Variants in IFT122 observed in about 807,000 individuals in gnomAD.
IFT122 encodes intraflagellar transport 122, also known as intraflagellar transport protein 122 homolog.
In IFT122, 118 loss-of-function variants were observed where a neutral mutation model predicts 161.6. The ratio of observed to expected loss-of-function variants is 0.73; its 90% CI spans 0.63 to 0.85. The LOEUF (loss-of-function observed/expected upper bound fraction) is 0.85, where lower values mean the gene tolerates loss of function less well. Among genes scored for constraint, IFT122 ranks in the 40% least tolerant of loss-of-function variants. The pLI, the probability that IFT122 is intolerant of heterozygous loss-of-function variation, is 0.00. For synonymous variants in IFT122, 550 were observed against 602.4 expected (o/e 0.91, Z 1.27); for missense variants, 1,381 against 1,579.6 (o/e 0.87, Z 2.13).
At position 129,506,281 on chromosome 3, in the gene IFT122, C is replaced by G. The variant is rs1036254352; in HGVS notation, c.2651-128C>G. 5.8e-6 allele frequency: 6 copies of G among 1,043,200 alleles called. No individual in the cohort carries two copies. In the African/African-American group the frequency reaches 9.4e-5, roughly 16 times the overall value. 64.6% of individuals were successfully genotyped at this position (1,043,200 alleles called of 1,614,324 possible). A position where few individuals can be genotyped will look rare whatever the true frequency, so the allele number is the denominator to read the frequency against. Reference sequence around the variant, plus strand: ...GAAGCGCCATCCCAGCAACGAAGCACTGCAGATGCTCCAATGAGTGTCCTA... The same window carrying G: ...GAAGCGCCATCCCAGCAACGAAGCAGTGCAGATGCTCCAATGAGTGTCCTA... On this transcript the variant is annotated intron_variant, in intron 21 of 29. Transcript: ENST00000348417.
At chr3:129,459,644 C>T in intron 4 of IFT122, among the ~76,000 whole-genome samples, 1 of 129,554 alleles carries the variant, frequency 7.7e-6, no homozygotes, top group South Asian at 2.9e-4. Context: ...TTCCCTCCCT[C>T]CCTCCCTTCT....
At chr3:129,503,645 GTT>G (rs1204020259) in intron 20 of IFT122, among the ~76,000 whole-genome samples, 1 of 152,174 alleles carries the variant, frequency 6.6e-6, no homozygotes. Flanking sequence ...CCGTCTGACT[GTT>G]GTCTGCTCTC....
intron 23 of IFT122, among the ~76,000 whole-genome samples, chr3:129,511,856 G>T (rs1360978253): frequency 6.6e-6 from 1 of 152,222 alleles, no homozygotes; most frequent in Non-Finnish European, 1.5e-5. Context: ...TTGAAAGACA[G>T]GCTTATATGA....
chr3:129,450,723 T>C (rs1297608778), intron 2 of IFT122, among the ~76,000 whole-genome samples: 1 of 123,884 alleles, frequency 8.1e-6, no homozygotes, highest in African/African-American at 3.6e-5. Context: ...GTTTTTTTTT[T>C]TTTTTTTTTT....
chr3:129,492,102 A>G, intron 16 of IFT122, 39 bp from the exon 17 acceptor site: 1 of 1,554,974 alleles, frequency 6.4e-7, no homozygotes, highest in Non-Finnish European at 8.9e-7. Context: ...TTTGAAGCCA[A>G]GAAGACAGCT....
chr3:129,497,877 GA>G (rs2108503465), intron 18 of IFT122, among the ~76,000 whole-genome samples: 1 of 152,276 alleles, frequency 6.6e-6, no homozygotes, highest in Admixed American at 6.5e-5. Flanking sequence ...CTGGTTTTCA[GA>G]AAATTTTAAA....
rs1243629398 is a variant in IFT122, at chr3:129,516,694, G to GCGCGCACACA, written c.3266-774_3266-773insGCGCACACAC. ...CCCTGCACACACACAGATTGCTCCTGCACACACACACACACACACACACAC... is the reference window on the plus strand; with the variant it reads ...CCCTGCACACACACAGATTGCTCCTGCGCGCACACACACACACACACACACACACACACAC... On this transcript the variant is annotated intron_variant, in intron 26 of 29. Transcript: ENST00000348417. 1.4e-4 allele frequency among the ~76,000 whole-genome samples: 7 copies of GCGCGCACACA among 50,218 alleles called. No homozygotes were observed. The South Asian group carries it at 5.3e-3, about 38-fold the overall frequency. The allele number at this position is 50,218 out of a possible 152,430, so 32.9% of individuals were successfully genotyped here.
intron 7 of IFT122, among the ~76,000 whole-genome samples, chr3:129,465,036 GGA>G (rs1302686890): frequency 6.6e-6 from 1 of 151,874 alleles, no homozygotes; most frequent in African/African-American, 2.4e-5. Context: ...GAGCTATTTA[GGA>G]CAGGCCAAAG....
At chr3:129,488,039 G>A in intron 15 of IFT122, 1 of 672,744 alleles carries the variant, frequency 1.5e-6, no homozygotes, top group Non-Finnish European at 2.6e-6. Context: ...CAGAGAGTTT[G>A]TGCTGTGGAG....
At chr3:129,451,585 A>G (rs2107924328) in intron 2 of IFT122, among the ~76,000 whole-genome samples, 1 of 152,288 alleles carries the variant, frequency 6.6e-6, no homozygotes, top group East Asian at 1.9e-4. Flanking sequence ...GGCTAGTTTT[A>G]TTTAGGAGGG....
Position 129,478,256 on chromosome 3 carries a change from C to T in IFT122, c.1350+38C>T, listed in dbSNP as rs773724271. 2.5e-6 allele frequency: 4 copies of T among 1,570,260 alleles called. No individual in the cohort carries two copies. The South Asian group carries it at 3.4e-5, about 13-fold the overall frequency. On this transcript the variant is annotated intron_variant, in intron 12 of 29. Coordinates refer to ENST00000348417, the MANE Select transcript of IFT122 (RefSeq NM_052989.3). The stretch of plus-strand genomic sequence containing the variant: ...ATGTTGAAGGAGTTGGGCTGAATTC[C>T]ATTTGTGCTCCCCCCCCAGTGATAG...
chr3:129,469,333 G>A lies in IFT122; in HGVS notation c.741-9G>A. 1.2e-6 allele frequency: 2 copies of A among 1,612,728 alleles called. No homozygotes were observed. Among genetic ancestry groups the A allele is most frequent in the South Asian group, 1.1e-5 (1 of 91,050 alleles). Reference sequence around the variant, plus strand: ...CCCTTCATAACCTCTTTTATCTTCTGTTGATTAGAGAGGAACGTAATGACA... The same window carrying A: ...CCCTTCATAACCTCTTTTATCTTCTATTGATTAGAGAGGAACGTAATGACA... On this transcript the variant is annotated splice_polypyrimidine_tract_variant and intron_variant, in intron 8 of 29. Transcript: ENST00000348417.
At chr3:129,496,905 A>G (rs896695106) in intron 18 of IFT122, among the ~76,000 whole-genome samples, 3 of 152,118 alleles carry the variant, frequency 2.0e-5, no homozygotes, top group African/African-American at 2.4e-5. Flanking sequence ...ATGAACCCTT[A>G]AGGGATCAAG....
chr3:129,517,267 T>TGCGCGCGCGCGCGCGCGCGC (rs1393052402), intron 26 of IFT122, among the ~76,000 whole-genome samples: 2 of 89,782 alleles, frequency 2.2e-5, no homozygotes, highest in Admixed American at 1.2e-4. Flanking sequence ...ACATTGCTCC[T>TGCGCGCGCGCGCGCGCGCGC]GCACACACAC....
At position 129,478,135 on chromosome 3, in the gene IFT122, C is replaced by G. The variant is rs2078178465; in HGVS notation, c.1267C>G (p.His423Asp). ...ELYSEDLSDM[H>D]YRVKEKIIKK... ...GTATTCAGAGGACTTATCAGACATGCATTACCGGGTAAAGGAGAAGATTAT... is the reference window on the plus strand; with the variant it reads ...GTATTCAGAGGACTTATCAGACATGGATTACCGGGTAAAGGAGAAGATTAT... Residue 423 changes from histidine (H) to aspartate (D), a missense_variant, in exon 12 of 30, where the codon CAT becomes GAT. This residue lies in a region of IFT122 where 544 missense variants were observed against 648.0 expected (regional missense o/e 0.84). Coordinates refer to ENST00000348417, the MANE Select transcript of IFT122 (RefSeq NM_052989.3). 6 of 1,614,024 alleles carry G rather than the reference C, an allele frequency of 3.7e-6. No individual in the cohort carries two copies. The highest frequency in any genetic ancestry group is 1.3e-5 in the African/African-American group (1 of 74,932).
intron 26 of IFT122, among the ~76,000 whole-genome samples, chr3:129,516,169 G>GCA (rs144438445): frequency 7.6e-5 from 9 of 118,798 alleles, no homozygotes; most frequent in Non-Finnish European, 6.9e-5. Context: ...GACCGCCCCT[G>GCA]CACACACACA....
intron 18 of IFT122, 125 bp from the exon 19 acceptor site, chr3:129,499,777 C>A (rs1287643453): frequency 1.8e-6 from 2 of 1,142,720 alleles, no homozygotes; most frequent in Admixed American, 3.4e-5. Flanking sequence ...AGGGCCGGGC[C>A]CTGCCTACCT....
At chr3:129,464,212 C>T (rs1006925068) in intron 6 of IFT122, among the ~76,000 whole-genome samples, 1 of 152,310 alleles carries the variant, frequency 6.6e-6, no homozygotes, top group South Asian at 2.1e-4. Flanking sequence ...ATATCCCTTC[C>T]GTTCAGCATC....
At position 129,512,333 on chromosome 3, in the gene IFT122, C is replaced by T. The variant is rs145470016; in HGVS notation, c.2908C>T (p.Arg970Cys). The T allele has an allele frequency of 7.6e-5, 123 of 1,613,852 alleles. No individual in the cohort carries two copies. In the African/African-American group the frequency reaches 1.5e-3, roughly 19 times the overall value. The change falls in exon 24 of 30, where the codon CGT becomes TGT. Residue 970 changes from arginine (R) to cysteine (C), a missense_variant. By Grantham distance (180) the Arg-to-Cys change is radical (BLOSUM62 -3). Transcript: ENST00000348417. ...RHTEDPFSVHRPETLFNISRF... is the reference protein window; with the variant it reads ...RHTEDPFSVHCPETLFNISRF... ...GCAGGAAGATCCGTTCAGTGTCCAT[C>T]GTCCTGAAACTCTTTTCAACATCTC...
Sources: gnomAD v4.1 joint callset for allele counts (sites outside exome capture counted in the v4.1 genomes callset) on GRCh38, gnomAD v4.1.1 for gene constraint, gnomAD v4.1.1 regional missense constraint, MANE v1.5 for transcripts, NCBI Gene and HGNC (gene_info 2026-07-23, HGNC 2026-07-21) for gene names.